KAT2A: variants seen among roughly 807,000 people sequenced by gnomAD.
KAT2A encodes the protein histone acetyltransferase KAT2A.
KAT2A carries 42 observed loss-of-function variants against 95.2 expected under a neutral mutation model. That is an observed-to-expected ratio of 0.44 (90% CI 0.34 to 0.57). The LOEUF (loss-of-function observed/expected upper bound fraction) is 0.57, where lower values mean the gene tolerates loss of function less well. Among genes scored for constraint, KAT2A ranks in the 20% least tolerant of loss-of-function variants. KAT2A has a pLI of 0.01. For synonymous variants in KAT2A, 449 were observed against 448.2 expected (o/e 1.00, Z -0.02); for missense variants, 784 against 1,126.3 (o/e 0.70, Z 4.35).
rs1555666426 is a variant in KAT2A, at chr17:42,117,984, G to A, written c.1214C>T (p.Pro405Leu). Residue 405 changes from proline to leucine, a missense_variant, in exon 8 of 18, where the codon CCC (proline) becomes CTC (leucine). Physicochemically the swap from Pro to Leu is moderately conservative, Grantham distance 98 (BLOSUM62 -3). This residue lies in a region of KAT2A where 63 missense variants were observed against 70.1 expected (regional missense o/e 0.90). Coordinates refer to ENST00000225916, the MANE Select transcript of KAT2A (RefSeq NM_021078.3). This position sits in a 1 kb window ranked among gnomAD's most constrained non-coding sequence, Gnocchi z 8.9. Reference sequence around the variant, plus strand: ...CCCACCCATGCTGGGGCTGAAGATGGGGGTGCTGGGAACAACCGCTGCACT... The same window carrying A: ...CCCACCCATGCTGGGGCTGAAGATGAGGGTGCTGGGAACAACCGCTGCACT... ...SVSAAVVPST[P>L]IFSPSMGGGS... 6.2e-7 allele frequency: 1 copy of A among 1,607,306 alleles called. No homozygotes were observed. The highest frequency in any genetic ancestry group is 1.1e-5 in the South Asian group (1 of 90,410).
In KAT2A at chr17:42,114,552, G is replaced by A. The variant is rs782151538; in HGVS notation, c.2072C>T (p.Pro691Leu). ...RKQAQIRKVY[P>L]GLSCFKEGVR... Reference sequence around the variant, plus strand: ...GCCCTCCTTGAAGCAGCTGAGCCCCGGGTAGACCTTGCGGATCTGGGCCTG... The same window carrying A: ...GCCCTCCTTGAAGCAGCTGAGCCCCAGGTAGACCTTGCGGATCTGGGCCTG... Residue 691 changes from proline (P) to leucine (L), a missense_variant, in exon 14 of 18, where the codon CCG becomes CTG. Coordinates refer to ENST00000225916, the MANE Select transcript of KAT2A (RefSeq NM_021078.3). This position sits in a 1 kb window ranked among gnomAD's most constrained non-coding sequence, Gnocchi z 6.0. The A allele has an allele frequency of 6.2e-6, 10 of 1,614,050 alleles. No individual in the cohort carries two copies. The highest frequency in any genetic ancestry group is 1.7e-5 in the Admixed American group (1 of 60,010).
Position 42,121,194 on chromosome 17 carries a change from G to C in KAT2A, c.111C>G (p.Ala37=). Residue 37 remains alanine (A), a synonymous_variant, in exon 1 of 18, where the codon GCC becomes GCG. Transcript: ENST00000225916. Reference sequence around the variant, plus strand: ...GTGCCGGGGTGGGAGTCGGAATCGGGGCTGAAGCCGGGCTGGGTGCAGGAG... The same window carrying C: ...GTGCCGGGGTGGGAGTCGGAATCGGCGCTGAAGCCGGGCTGGGTGCAGGAG... ...TPTPAPSPAS[A]PIPTPTPAPA... The C allele has an allele frequency of 7.3e-7, 1 of 1,365,206 alleles. No individual in the cohort carries two copies. Among genetic ancestry groups the C allele is most frequent in the Non-Finnish European group, 9.7e-7 (1 of 1,027,416 alleles). The allele number at this position is 1,365,206 out of a possible 1,614,324, so 84.6% of individuals were successfully genotyped here. A position where few individuals can be genotyped will look rare whatever the true frequency, so the allele number is the denominator to read the frequency against.
rs1555667258 is a variant in KAT2A, at chr17:42,121,110, T to C, written c.195A>G (p.Val65=). The C allele has an allele frequency of 6.7e-7, 1 of 1,497,302 alleles. No homozygotes were observed. The highest frequency in any genetic ancestry group is 1.2e-5 in the South Asian group (1 of 82,402). 92.8% of individuals were successfully genotyped at this position (1,497,302 alleles called of 1,614,324 possible). ...AGSTGTGGPG[V]GSGGAGSGGD... ...CCCCGCTCCCGGCCCCCCCACTTCC[T>C]ACCCCGGGCCCCCCAGTCCCTGTGC... Residue 65 remains valine (V), a synonymous_variant, in exon 1 of 18, where the codon GTA becomes GTG. Coordinates refer to ENST00000225916, the MANE Select transcript of KAT2A (RefSeq NM_021078.3).
Position 42,119,736 on chromosome 17 carries a change from G to T in KAT2A, c.700-18C>A. On this transcript the variant is annotated intron_variant, in intron 4 of 17. Transcript: ENST00000225916. The surrounding 1 kb of genome is among the most constrained non-coding windows in gnomAD (Gnocchi z 5.3). ...AGCACACCCTGAGAAGGGGTGGGTGGGGGATAAAACCAGGAATGAGGTGTG... is the reference window on the plus strand; with the variant it reads ...AGCACACCCTGAGAAGGGGTGGGTGTGGGATAAAACCAGGAATGAGGTGTG... 1 of 1,584,490 alleles carries T rather than the reference G, an allele frequency of 6.3e-7. No individual in the cohort carries two copies. Among genetic ancestry groups the T allele is most frequent in the South Asian group, 1.2e-5 (1 of 86,590 alleles).
chr17:42,118,822 C>T (rs1555666671), intron 6 of KAT2A, among the ~76,000 whole-genome samples: 1 of 152,204 alleles, frequency 6.6e-6, no homozygotes, highest in East Asian at 1.9e-4. Flanking sequence ...GTTTTTTGAA[C>T]AGGGGAGTTA....
chr17:42,116,903 G>T, intron 11 of KAT2A, 132 bp downstream of exon 11: 2 of 1,091,760 alleles, frequency 1.8e-6, no homozygotes, highest in Non-Finnish European at 2.7e-6. Flanking sequence ...ACCTTGTGGG[G>T]ATGTGAGGAA....
At position 42,113,794 on chromosome 17, in the gene KAT2A, C is replaced by T. The variant is rs782143766; in HGVS notation, c.2369G>A (p.Arg790Gln). ...CTGCAGGTCGGCCACAAAGAGCTTC[C>T]GGGTCACGTAGTAGCGGCTTCGCAG... Reference protein sequence around the residue: ...ERLRSRYYVTRKLFVADLQRV... With the variant: ...ERLRSRYYVTQKLFVADLQRV... Residue 790 changes from arginine to glutamine, a missense_variant, in exon 18 of 18, where the codon CGG becomes CAG. Physicochemically the swap from Arg to Gln is conservative, Grantham distance 43. This residue lies in a region of KAT2A where 195 missense variants were observed against 247.1 expected (regional missense o/e 0.79). Coordinates refer to ENST00000225916, the MANE Select transcript of KAT2A (RefSeq NM_021078.3). The T allele has an allele frequency of 1.7e-5, 28 of 1,607,458 alleles. No individual in the cohort carries two copies. The highest frequency in any genetic ancestry group is 2.2e-5 in the East Asian group (1 of 44,664).
At position 42,117,094 on chromosome 17, in the gene KAT2A, G is replaced by A; in HGVS notation, c.1705C>T (p.Pro569Ser). 6.2e-7 allele frequency: 1 copy of A among 1,614,130 alleles called. No homozygotes were observed. The highest frequency in any genetic ancestry group is 8.5e-7 in the Non-Finnish European group (1 of 1,180,032). Reference sequence around the variant, plus strand: ...ACAATCTCCGTGAAGCCCTGGGTGGGAAACATGCGGAAGCAGATGCCACCG... The same window carrying A: ...ACAATCTCCGTGAAGCCCTGGGTGGAAAACATGCGGAAGCAGATGCCACCG... ...VIGGICFRMF[P>S]TQGFTEIVFC... Residue 569 changes from proline to serine, a missense_variant, in exon 11 of 18, where the codon CCC (proline) becomes TCC (serine). Coordinates refer to ENST00000225916, the MANE Select transcript of KAT2A (RefSeq NM_021078.3). This position sits in a 1 kb window ranked among gnomAD's most constrained non-coding sequence, Gnocchi z 8.9.
Position 42,117,317 on chromosome 17 carries a change from G to A in KAT2A, c.1637+71C>T. Reference sequence around the variant, plus strand: ...GGGAGCAGGGGATCCCCAATTTTGAGGAGTGAAGAGGCCGAGGAGGAAGGG... The same window carrying A: ...GGGAGCAGGGGATCCCCAATTTTGAAGAGTGAAGAGGCCGAGGAGGAAGGG... On this transcript the variant is annotated intron_variant, in intron 10 of 17. Coordinates refer to ENST00000225916, the MANE Select transcript of KAT2A (RefSeq NM_021078.3). This position sits in a 1 kb window ranked among gnomAD's most constrained non-coding sequence, Gnocchi z 8.9. 6.4e-7 allele frequency: 1 copy of A among 1,568,844 alleles called. No individual in the cohort carries two copies. Among genetic ancestry groups the A allele is most frequent in the South Asian group, 1.1e-5 (1 of 89,720 alleles).
At chr17:42,116,518 G>C (rs2054260627) in intron 11 of KAT2A, among the ~76,000 whole-genome samples, 1 of 152,182 alleles carries the variant, frequency 6.6e-6, no homozygotes, top group Non-Finnish European at 1.5e-5. Flanking sequence ...AGGAGTTAGA[G>C]ACCAGCCTGG....
chr17:42,116,743 A>G (rs1253423072), intron 11 of KAT2A, among the ~76,000 whole-genome samples: 2 of 152,212 alleles, frequency 1.3e-5, no homozygotes, highest in Non-Finnish European at 2.9e-5. Context: ...ATAAAAAATA[A>G]AAAGTAAAGT....
chr17:42,120,280 G>T lies in KAT2A; in HGVS notation c.554C>A (p.Ser185Tyr). 1.2e-6 allele frequency: 2 copies of T among 1,614,122 alleles called. No individual in the cohort carries two copies. The highest frequency in any genetic ancestry group is 1.7e-6 in the Non-Finnish European group (2 of 1,179,964). ...MVVDVENLFM[S>Y]VHKEEDTDTK... ...GTCTGTGTCCTCTTCCTTGTGAACA[G>T]ACATGAAGAGATTCTCCACATCCAC... Residue 185 changes from serine (S) to tyrosine (Y), a missense_variant, in exon 3 of 18, where the codon TCT becomes TAT. Ser to Tyr is a moderately radical substitution (Grantham distance 144). This residue lies in a region of KAT2A where 208 missense variants were observed against 339.7 expected (regional missense o/e 0.61). Transcript: ENST00000225916.
chr17:42,120,504 C>A, intron 2 of KAT2A, 134 bp from the exon 3 acceptor site: 1 of 1,226,400 alleles, frequency 8.2e-7, no homozygotes, highest in East Asian at 2.3e-5. Flanking sequence ...CTGACTGCTC[C>A]GATATCAACC....
Position 42,114,431 on chromosome 17 carries a change from G to A in KAT2A, c.2135-37C>T. On this transcript the variant is annotated intron_variant, in intron 14 of 17. Transcript: ENST00000225916. This position sits in a 1 kb window ranked among gnomAD's most constrained non-coding sequence, Gnocchi z 6.0. Reference sequence around the variant, plus strand: ...GAAGTGGGAGAATGTCTCTAAGAATGCCAGTCCACACCCCAAGCATCGTGC... The same window carrying A: ...GAAGTGGGAGAATGTCTCTAAGAATACCAGTCCACACCCCAAGCATCGTGC... The A allele has an allele frequency of 6.2e-7, 1 of 1,613,600 alleles. No individual in the cohort carries two copies. Among genetic ancestry groups the A allele is most frequent in the Non-Finnish European group, 8.5e-7 (1 of 1,179,620 alleles).
intron 12 of KAT2A, among the ~76,000 whole-genome samples, chr17:42,115,441 T>TA (rs1350768632): frequency 1.0e-5 from 1 of 97,340 alleles, no homozygotes; most frequent in Non-Finnish European, 2.0e-5. Flanking sequence ...CCTGCTCTAG[T>TA]GCCCCCCCCA....
intron 1 of KAT2A, 39 bp downstream of exon 1, chr17:42,120,927 C>G: frequency 6.4e-7 from 1 of 1,552,204 alleles, no homozygotes; most frequent in Non-Finnish European, 8.7e-7. Flanking sequence ...CCCTGGGATG[C>G]CCCAAGCCCC....
At position 42,117,086 on chromosome 17, in the gene KAT2A, C is replaced by G. The variant is rs372102137; in HGVS notation, c.1713G>C (p.Gln571His). The stretch of plus-strand genomic sequence containing the variant: ...CACAGAAGACAATCTCCGTGAAGCC[C>G]TGGGTGGGAAACATGCGGAAGCAGA... ...GGICFRMFPT[Q>H]GFTEIVFCAV... is the part of the protein sequence containing the mutation. Residue 571 changes from glutamine (Q) to histidine (H), a missense_variant, in exon 11 of 18, where the codon CAG (glutamine) becomes CAC (histidine). Gln to His is a conservative substitution (Grantham distance 24, BLOSUM62 0). This residue lies in a region of KAT2A where 174 missense variants were observed against 324.9 expected (regional missense o/e 0.54). Coordinates refer to ENST00000225916, the MANE Select transcript of KAT2A (RefSeq NM_021078.3). The surrounding 1 kb of genome is among the most constrained non-coding windows in gnomAD (Gnocchi z 8.9). 2 of 1,614,048 alleles carry G rather than the reference C, an allele frequency of 1.2e-6. No homozygotes were observed. The highest frequency in any genetic ancestry group is 2.7e-5 in the African/African-American group (2 of 74,940).
Position 42,114,332 on chromosome 17 carries a change from C to A in KAT2A, c.2171+26G>T. ...AGGCTCCAAGTCCCTCTGCCCCACC[C>A]CCAACCCGGCTCCTTTGACACTCAC... is the stretch of plus-strand genomic sequence containing the variant. On this transcript the variant is annotated intron_variant, in intron 15 of 17. Transcript: ENST00000225916. The surrounding 1 kb of genome is among the most constrained non-coding windows in gnomAD (Gnocchi z 6.0). The A allele has an allele frequency of 6.2e-7, 1 of 1,613,970 alleles. No individual in the cohort carries two copies. Among genetic ancestry groups the A allele is most frequent in the South Asian group, 1.1e-5 (1 of 91,078 alleles).
chr17:42,120,335 C>T lies in KAT2A; in HGVS notation c.499G>A (p.Asp167Asn), dbSNP rs2054317918. ...ATCCCCAGCAGTCGGTTTATCTCAT[C>T]CTCTGACACATTCTCCAAGTGGGAT... ...HVSHLENVSE[D>N]EINRLLGMVV... Residue 167 changes from aspartate to asparagine, a missense_variant, in exon 3 of 18, where the codon GAT becomes AAT. Around this residue, in one of 6 missense-constraint regions of KAT2A, gnomAD observed 208 missense variants for 339.7 expected, o/e 0.61. Coordinates refer to ENST00000225916, the MANE Select transcript of KAT2A (RefSeq NM_021078.3). 3 of 1,614,230 alleles carry T rather than the reference C, an allele frequency of 1.9e-6. No homozygotes were observed. The South Asian group carries it at 3.3e-5, about 18-fold the overall frequency.
Sources: allele counts gnomAD v4.1 joint callset (sites outside exome capture counted in the v4.1 genomes callset), GRCh38; gene constraint gnomAD v4.1.1; regional missense constraint gnomAD v4.1.1; non-coding constraint Gnocchi (gnomAD v3.1); transcripts MANE v1.5; gene names NCBI Gene and HGNC (gene_info 2026-07-23, HGNC 2026-07-21).